Variants in BCL2L13 observed in about 807,000 individuals in gnomAD.
The protein encoded by BCL2L13 is bcl-2-like protein 13.
A neutral mutation model predicts 25.8 loss-of-function variants in BCL2L13; 13 were observed. The ratio of observed to expected loss-of-function variants is 0.50; its 90% confidence interval spans 0.33 to 0.80. BCL2L13 has a LOEUF of 0.80. Among genes scored for constraint, BCL2L13 ranks in the 30% least tolerant of loss-of-function variants. The probability of loss-of-function intolerance (pLI) is 0.02; values close to 1 mark genes in which losing one functional copy is unlikely to be tolerated. For synonymous variants in BCL2L13, 244 were observed against 230.3 expected (o/e 1.06, Z -0.54); for missense variants, 504 against 574.9 (o/e 0.88, Z 1.26).
At chr22:17,698,765 C>T (rs1243402598) in intron 5 of BCL2L13, among the ~76,000 whole-genome samples, 2 of 152,020 alleles carry the variant, frequency 1.3e-5, no homozygotes, top group Non-Finnish European at 2.9e-5. Flanking sequence ...TATTAGTAGT[C>T]ACTCCACCTG....
intron 2 of BCL2L13, among the ~76,000 whole-genome samples, chr22:17,659,578 G>T (rs1057052754): frequency 6.9e-6 from 1 of 144,534 alleles, no homozygotes. Flanking sequence ...GGGGAATGGC[G>T]TGAACTCAGG....
intron 1 of BCL2L13, among the ~76,000 whole-genome samples, chr22:17,631,462 A>G (rs530911727): frequency 6.6e-6 from 1 of 151,356 alleles, no homozygotes; most frequent in Non-Finnish European, 1.5e-5. Context: ...GGAGTACTAC[A>G]TGTGTGATAT....
intron 4 of BCL2L13, among the ~76,000 whole-genome samples, chr22:17,691,323 T>C (rs1380403111): frequency 6.6e-6 from 1 of 150,608 alleles, no homozygotes; most frequent in Non-Finnish European, 1.5e-5. Context: ...AGTAAAATAA[T>C]GAAGTGAAAG....
intron 2 of BCL2L13, among the ~76,000 whole-genome samples, chr22:17,665,502 C>T (rs1322489963): frequency 1.3e-5 from 2 of 152,118 alleles, no homozygotes; most frequent in Non-Finnish European, 2.9e-5. Flanking sequence ...AGCAGTGCCC[C>T]ACTCCCAGTA....
intron 6 of BCL2L13, among the ~76,000 whole-genome samples, chr22:17,710,707 T>G: frequency 6.6e-6 from 1 of 151,590 alleles, no homozygotes; most frequent in Non-Finnish European, 1.5e-5. Flanking sequence ...AAACCCCGTC[T>G]CTACTAAAAA....
At chr22:17,650,046 G>T (rs2024229) in intron 1 of BCL2L13, among the ~76,000 whole-genome samples, 102,971 of 150,622 alleles carry the variant, frequency 0.68, 35,491 homozygotes, top group East Asian at 0.85. Flanking sequence ...AATTTTCATA[G>T]TTTTGAAGAG....
At chr22:17,687,230 T>G (rs2059968789) in intron 3 of BCL2L13, among the ~76,000 whole-genome samples, 1 of 152,242 alleles carries the variant, frequency 6.6e-6, no homozygotes, top group Admixed American at 6.5e-5. Context: ...ATTTGTACTC[T>G]GGAACAAGTT....
Position 17,727,048 on chromosome 22 carries a change from G to A in BCL2L13, c.972G>A (p.Val324=), listed in dbSNP as rs767345696. The change falls in exon 7 of 7, where the codon GTG becomes GTA. Residue 324 remains valine (V), a synonymous_variant. Coordinates refer to ENST00000317582, the MANE Select transcript of BCL2L13 (RefSeq NM_015367.4). The part of the protein sequence containing the change: ...EVPEGMEEAA[V]ASVVLPAREL... ...CCGAGGGCATGGAAGAGGCTGCTGT[G>A]GCTTCTGTGGTCTTGCCAGCGCGGG... 1.2e-6 allele frequency: 2 copies of A among 1,614,218 alleles called. No individual in the cohort carries two copies.
chr22:17,683,132 CA>C (rs34013263), intron 2 of BCL2L13, 81 bp from the exon 3 acceptor site: 94,575 of 586,134 alleles, frequency 0.16, 606 homozygotes, highest in South Asian at 0.18. Context: ...GACTCCGTCT[CA>C]AAAAAAAAAA....
chr22:17,643,793 T>C (rs1459321774), intron 1 of BCL2L13, among the ~76,000 whole-genome samples: 5 of 151,654 alleles, frequency 3.3e-5, no homozygotes, highest in Middle Eastern at 3.4e-3. Context: ...TTTTGTATTT[T>C]TAGTAGAGAT....
chr22:17,657,826 T>TC (rs928802404), intron 2 of BCL2L13, among the ~76,000 whole-genome samples: 1 of 90,680 alleles, frequency 1.1e-5, no homozygotes, highest in South Asian at 3.0e-4. Context: ...GACATTTCTT[T>TC]TTTTTTTTTT....
intron 6 of BCL2L13, among the ~76,000 whole-genome samples, chr22:17,726,366 A>C (rs900630777): frequency 2.6e-5 from 4 of 152,036 alleles, no homozygotes; most frequent in Admixed American, 6.6e-5. Flanking sequence ...AAAAAAAAAA[A>C]AAACCTCAGA....
rs536635783 is a variant in BCL2L13 at position 17,656,797 on chromosome 22, A to T, written c.121+965A>T. 1.2e-4 allele frequency among the ~76,000 whole-genome samples: 18 copies of T among 152,138 alleles called. No individual in the cohort carries two copies. The East Asian group carries it at 3.5e-3, about 29-fold the overall frequency. ...CTGTTGTCATTCTACTAAGTGTTCC[A>T]TCATAATGATACAGTTTATTTTGGC... On this transcript the variant is annotated intron_variant, in intron 2 of 6. Coordinates refer to ENST00000317582, the MANE Select transcript of BCL2L13 (RefSeq NM_015367.4).
At chr22:17,653,779 T>C (rs919127808) in intron 1 of BCL2L13, among the ~76,000 whole-genome samples, 11 of 152,066 alleles carry the variant, frequency 7.2e-5, no homozygotes, top group African/African-American at 2.7e-4. Context: ...GTTGGAATTA[T>C]AAGCATGAGC....
chr22:17,698,659 G>A (rs2060341917), intron 5 of BCL2L13, among the ~76,000 whole-genome samples: 1 of 151,712 alleles, frequency 6.6e-6, no homozygotes, highest in Admixed American at 6.6e-5. Flanking sequence ...AGCCTGGGAG[G>A]TGGAGGTTGC....
At chr22:17,629,421 A>C (rs1478293115) in intron 1 of BCL2L13, among the ~76,000 whole-genome samples, 3 of 148,224 alleles carry the variant, frequency 2.0e-5, no homozygotes, top group African/African-American at 2.4e-5. Flanking sequence ...CAGCTACATA[A>C]TTTATTTGGA....
intron 1 of BCL2L13, among the ~76,000 whole-genome samples, chr22:17,642,160 T>A (rs2146396088): frequency 8.4e-6 from 1 of 119,276 alleles, no homozygotes; most frequent in South Asian, 2.6e-4. Context: ...TGAGACGGAG[T>A]CTCACTGTCG....
intron 1 of BCL2L13, among the ~76,000 whole-genome samples, chr22:17,650,340 T>A (rs1025517026): frequency 2.0e-5 from 3 of 152,202 alleles, no homozygotes; most frequent in Non-Finnish European, 4.4e-5. Flanking sequence ...GCTTCTCATC[T>A]TTTGACTACC....
At chr22:17,723,931 CA>C (rs35516339) in intron 6 of BCL2L13, among the ~76,000 whole-genome samples, 3 of 133,038 alleles carry the variant, frequency 2.3e-5, no homozygotes, top group Non-Finnish European at 3.2e-5. Flanking sequence ...GACTCCGTCT[CA>C]AAAAAAAAAC....
Sources: gnomAD v4.1 joint callset for allele counts (sites outside exome capture counted in the v4.1 genomes callset) on GRCh38, gnomAD v4.1.1 for gene constraint, MANE v1.5 for transcripts, NCBI Gene and HGNC (gene_info 2026-07-23, HGNC 2026-07-21) for gene names.